Variants in DBH observed in about 807,000 individuals in gnomAD.
The protein encoded by DBH is dopamine beta-hydroxylase (dopamine beta-monooxygenase).
DBH carries 49 observed loss-of-function variants against 64.0 expected under a neutral mutation model. That is an observed-to-expected ratio of 0.77 (90% CI 0.61 to 0.97). DBH has a LOEUF of 0.97. DBH is among the 50% of genes least tolerant of loss of function. The probability of loss-of-function intolerance (pLI) is 0.00; values close to 1 mark genes in which losing one functional copy is unlikely to be tolerated. For synonymous variants in DBH, 343 were observed against 347.1 expected (o/e 0.99, Z 0.13); for missense variants, 828 against 826.6 (o/e 1.00, Z -0.02).
chr9:133,636,692 G>C lies in DBH; in HGVS notation c.321G>C (p.Gly107=). 1 of 1,604,096 alleles carries C rather than the reference G, an allele frequency of 6.2e-7. No individual in the cohort carries two copies. The highest frequency in any genetic ancestry group is 8.5e-7 in the Non-Finnish European group (1 of 1,179,938). ...ATCTCGTGGTGCTCTGGACCGATGG[G>C]GACACTGCCTATTTTGCGGTGAGTC... ...NADLVVLWTD[G]DTAYFADAWS... The change falls in exon 1 of 12, where the codon GGG becomes GGC. Residue 107 remains glycine (G), a synonymous_variant. Transcript: ENST00000393056.
chr9:133,641,609 C>T (rs1221857590), intron 2 of DBH, among the ~76,000 whole-genome samples: 2 of 152,262 alleles, frequency 1.3e-5, no homozygotes, highest in South Asian at 2.1e-4. Flanking sequence ...CCATTCATGA[C>T]AGCATGTGAG....
At position 133,636,535 on chromosome 9, in the gene DBH, C is replaced by G. The variant is rs775127844; in HGVS notation, c.164C>G (p.Pro55Arg). Reference protein sequence around the residue: ...SPLPYHIPLDPEGSLELSWNV... With the variant: ...SPLPYHIPLDREGSLELSWNV... ...CTCCCCTATCACATCCCCCTGGACC[C>G]GGAGGGGTCCCTGGAGCTCTCATGG... The change falls in exon 1 of 12, where the codon CCG becomes CGG. Residue 55 changes from proline (P) to arginine (R), a missense_variant. Transcript: ENST00000393056. 1.9e-6 allele frequency: 3 copies of G among 1,613,396 alleles called. No individual in the cohort carries two copies. The highest frequency in any genetic ancestry group is 2.7e-5 in the African/African-American group (2 of 74,944).
At chr9:133,652,524 C>A (rs1202160253) in intron 8 of DBH, among the ~76,000 whole-genome samples, 1 of 151,996 alleles carries the variant, frequency 6.6e-6, no homozygotes, top group East Asian at 1.9e-4. Context: ...TCCCAGGGGA[C>A]GCGTGTCCTC....
Position 133,642,620 on chromosome 9 carries a change from A to G in DBH, c.744+156A>G, listed in dbSNP as rs1548364. Among the ~76,000 whole-genome samples the G allele has an allele frequency of 0.53, 80,104 of 151,874 alleles. 22,102 individuals carry two copies. Among genetic ancestry groups the G allele is most frequent in the African/African-American group, 0.65 (27,097 of 41,398 alleles). ...GCACCTGCCTGAGCAGGGGAGCAGC[A>G]AGTGGTCTTGGCTTCCCCATCACTC... On this transcript the variant is annotated intron_variant, in intron 3 of 11. Transcript: ENST00000393056.
rs750763532 is a variant in DBH at position 133,636,544 on chromosome 9, C to T, written c.173C>T (p.Ser58Phe). 5.0e-6 allele frequency: 8 copies of T among 1,613,436 alleles called. No homozygotes were observed. Among genetic ancestry groups the T allele is most frequent in the Admixed American group, 1.7e-5 (1 of 60,004 alleles). The change falls in exon 1 of 12, where the codon TCC becomes TTC. Residue 58 changes from serine to phenylalanine, a missense_variant. Coordinates refer to ENST00000393056, the MANE Select transcript of DBH (RefSeq NM_000787.4). ...CACATCCCCCTGGACCCGGAGGGGT[C>T]CCTGGAGCTCTCATGGAATGTCAGC... ...PYHIPLDPEG[S>F]LELSWNVSYT... is the part of the protein sequence containing the mutation.
rs1832142592 is a variant in DBH at position 133,643,537 on chromosome 9, A to T, written c.869A>T (p.Asp290Val). 1 of 1,612,116 alleles carries T rather than the reference A, an allele frequency of 6.2e-7. No individual in the cohort carries two copies. Among genetic ancestry groups the T allele is most frequent in the Admixed American group, 1.7e-5 (1 of 59,792 alleles). Residue 290 changes from aspartate to valine, a missense_variant, in exon 4 of 12, where the codon GAC becomes GTC. Asp to Val is a radical substitution (Grantham distance 152, BLOSUM62 -3). Transcript: ENST00000393056. This position sits in a 1 kb window ranked among gnomAD's most constrained non-coding sequence, Gnocchi z 5.3. ...CCCTGCGACTCCAAGATGAAACCCG[A>T]CCGCCTCAACTACTGCCGCCACGTG... is the stretch of plus-strand genomic sequence containing the variant. Reference protein sequence around the residue: ...SGPCDSKMKPDRLNYCRHVLA... With the variant: ...SGPCDSKMKPVRLNYCRHVLA...
At position 133,651,777 on chromosome 9, in the gene DBH, G is replaced by C. The variant is rs1264054639; in HGVS notation, c.1335G>C (p.Gln445His). 1.3e-6 allele frequency: 2 copies of C among 1,587,952 alleles called. No individual in the cohort carries two copies. Among genetic ancestry groups the C allele is most frequent in the South Asian group, 2.3e-5 (2 of 87,898 alleles). Residue 445 changes from glutamine to histidine, a missense_variant and splice_region_variant, in exon 7 of 12, where the codon CAG becomes CAC. Coordinates refer to ENST00000393056, the MANE Select transcript of DBH (RefSeq NM_000787.4). ...ACAATCACTACAGCCCTCACTTCCA[G>C]GTAGGAACCTGCACCCCACCCCTGC... ...NQDNHYSPHFQEIRMLKKVVS... is the reference protein window; with the variant it reads ...NQDNHYSPHFHEIRMLKKVVS...
At chr9:133,642,549 C>A in intron 3 of DBH, 85 bp downstream of exon 3, 1 of 1,502,406 alleles carries the variant, frequency 6.7e-7, no homozygotes, top group Non-Finnish European at 9.0e-7. Flanking sequence ...GAGAGCTGTC[C>A]ACAGTCCTGG....
chr9:133,646,893 C>A (rs1832188347), intron 5 of DBH, among the ~76,000 whole-genome samples: 1 of 152,160 alleles, frequency 6.6e-6, no homozygotes, highest in African/African-American at 2.4e-5. Context: ...CAGGGACTCT[C>A]CAATTAGCAA....
At chr9:133,646,044 C>A (rs190051500) in intron 5 of DBH, among the ~76,000 whole-genome samples, 2 of 152,284 alleles carry the variant, frequency 1.3e-5, no homozygotes, top group East Asian at 3.9e-4. Context: ...GATGAAACCA[C>A]CCCCCAGCTC....
chr9:133,642,841 A>AT (rs1325571390), intron 3 of DBH, among the ~76,000 whole-genome samples: 7 of 152,222 alleles, frequency 4.6e-5, no homozygotes, highest in Non-Finnish European at 8.8e-5. Flanking sequence ...GGAAGACAGA[A>AT]TAGCAAAGGC....
At chr9:133,646,383 T>C (rs1488944747) in intron 5 of DBH, among the ~76,000 whole-genome samples, 1 of 152,048 alleles carries the variant, frequency 6.6e-6, no homozygotes, top group African/African-American at 2.4e-5. Flanking sequence ...GGCCAGGCCT[T>C]TAGATCCTCC....
chr9:133,651,362 C>G (rs1832246015), intron 6 of DBH, among the ~76,000 whole-genome samples: 1 of 151,612 alleles, frequency 6.6e-6, no homozygotes, highest in African/African-American at 2.4e-5. Context: ...TTCAGGGGCT[C>G]AGGAGAGGAT....
chr9:133,647,495 C>T (rs1832195489), intron 5 of DBH, among the ~76,000 whole-genome samples: 1 of 152,198 alleles, frequency 6.6e-6, no homozygotes, highest in Non-Finnish European at 1.5e-5. Flanking sequence ...TTACGAGTTT[C>T]CGTCTATCAG....
chr9:133,658,497 C>G lies in DBH; in HGVS notation c.*50C>G, dbSNP rs915164762. On this transcript the variant is annotated 3_prime_UTR_variant, in exon 12 of 12. Coordinates refer to ENST00000393056, the MANE Select transcript of DBH (RefSeq NM_000787.4). ...TCCATGCTGTCCCTGTGGGCTCACACCGGCACTGTGCACTCTACTCTGCGA... is the reference window on the plus strand; with the variant it reads ...TCCATGCTGTCCCTGTGGGCTCACAGCGGCACTGTGCACTCTACTCTGCGA... 1 of 1,553,414 alleles carries G rather than the reference C, an allele frequency of 6.4e-7. No individual in the cohort carries two copies. The highest frequency in any genetic ancestry group is 8.7e-7 in the Non-Finnish European group (1 of 1,147,802).
intron 9 of DBH, chr9:133,655,160 G>C (rs2073833): frequency 0.43 from 64,730 of 152,202 alleles, 13,827 homozygotes; most frequent in East Asian, 0.52. Flanking sequence ...GGCCCATGTC[G>C]TCCTCTTGGC....
intron 6 of DBH, 41 bp from the exon 7 acceptor site, chr9:133,651,593 C>T (rs371740477): frequency 6.2e-6 from 10 of 1,611,500 alleles, no homozygotes; most frequent in Admixed American, 3.3e-5. Flanking sequence ...AGGGTCCCCT[C>T]GGGGGTCAGG....
chr9:133,656,682 C>T (rs374022694), intron 10 of DBH, 32 bp downstream of exon 10: 13 of 1,608,292 alleles, frequency 8.1e-6, no homozygotes, highest in Non-Finnish European at 1.1e-5. Flanking sequence ...TCCCTGCCCC[C>T]AGGGAACCCC....
chr9:133,652,308 T>G lies in DBH; in HGVS notation c.1374+24T>G, dbSNP rs778042927. Reference sequence around the variant, plus strand: ...CGGTGAGTGCCCAGCGGGAAGGCTGTCCCACTCACTGCCACCAGCTGGGGT... The same window carrying G: ...CGGTGAGTGCCCAGCGGGAAGGCTGGCCCACTCACTGCCACCAGCTGGGGT... On this transcript the variant is annotated intron_variant, in intron 8 of 11. Coordinates refer to ENST00000393056, the MANE Select transcript of DBH (RefSeq NM_000787.4). 1.9e-6 allele frequency: 3 copies of G among 1,611,850 alleles called. No individual in the cohort carries two copies. The highest frequency in any genetic ancestry group is 2.5e-6 in the Non-Finnish European group (3 of 1,179,890).
Sources: allele counts gnomAD v4.1 joint callset (sites outside exome capture counted in the v4.1 genomes callset), GRCh38; gene constraint gnomAD v4.1.1; non-coding constraint Gnocchi (gnomAD v3.1); transcripts MANE v1.5; gene names NCBI Gene and HGNC (gene_info 2026-07-23, HGNC 2026-07-21).